TMEM74: variants seen among roughly 807,000 people sequenced by gnomAD.
The protein encoded by TMEM74 is transmembrane protein 74.
A neutral mutation model predicts 18.1 loss-of-function variants in TMEM74; 13 were observed. That is an observed-to-expected ratio of 0.72 (90% CI 0.47 to 1.14). The LOEUF (loss-of-function observed/expected upper bound fraction) is 1.14, where lower values mean the gene tolerates loss of function less well. Among genes scored for constraint, TMEM74 ranks in the 50% most tolerant of loss-of-function variants. The pLI is 0.00. For synonymous variants in TMEM74, 159 were observed against 146.6 expected, an observed-to-expected ratio of 1.08 and a Z score of -0.61; for missense variants, 372 against 375.9, an observed-to-expected ratio of 0.99 and a Z score of 0.09.
chr8:108,619,521 T>A (rs1812418897), intron 2 of TMEM74, among the ~76,000 whole-genome samples: 1 of 152,170 alleles, frequency 6.6e-6, no homozygotes, highest in African/African-American at 2.4e-5. Flanking sequence ...GCAAGCCAGG[T>A]GCTGGGAGAC....
intron 1 of TMEM74, among the ~76,000 whole-genome samples, chr8:108,707,430 A>G (rs1161241529): frequency 6.6e-6 from 1 of 152,122 alleles, no homozygotes; most frequent in Non-Finnish European, 1.5e-5. Flanking sequence ...AAAAAACCAA[A>G]CACGCCAAAA....
At chr8:108,760,033 T>A (rs926178047) in intron 1 of TMEM74, among the ~76,000 whole-genome samples, 2 of 151,738 alleles carry the variant, frequency 1.3e-5, no homozygotes, top group African/African-American at 2.4e-5. Flanking sequence ...ATTAGCCAGG[T>A]GTGGTGGCAC....
At chr8:108,759,908 T>C (rs1018675810) in intron 1 of TMEM74, among the ~76,000 whole-genome samples, 2 of 152,080 alleles carry the variant, frequency 1.3e-5, no homozygotes, top group African/African-American at 4.8e-5. Context: ...ATATGCATGA[T>C]GTAAAGCATG....
chr8:108,718,134 AT>A (rs1813547389), intron 1 of TMEM74, among the ~76,000 whole-genome samples: 1 of 107,280 alleles, frequency 9.3e-6, no homozygotes, highest in Non-Finnish European at 1.7e-5. Flanking sequence ...AATTTTTTGT[AT>A]TTTTAGTAGA....
intron 1 of TMEM74, among the ~76,000 whole-genome samples, chr8:108,717,753 G>T (rs1813540606): frequency 6.6e-6 from 1 of 152,068 alleles, no homozygotes; most frequent in Admixed American, 6.6e-5. Flanking sequence ...CCCTGAGTGG[G>T]AAATATGCCT....
At chr8:108,675,637 T>C (rs1248534374) in intron 1 of TMEM74, among the ~76,000 whole-genome samples, 1 of 152,200 alleles carries the variant, frequency 6.6e-6, no homozygotes, top group African/African-American at 2.4e-5. Context: ...GGGAATTAAA[T>C]AGAAAAATAA....
At chr8:108,670,712 A>T (rs190638472) in intron 1 of TMEM74, among the ~76,000 whole-genome samples, 1 of 152,284 alleles carries the variant, frequency 6.6e-6, no homozygotes, top group East Asian at 1.9e-4. Flanking sequence ...AGATGGATGA[A>T]TTTGGCGGTT....
chr8:108,782,106 A>C lies in TMEM74; in HGVS notation c.*2075T>G, dbSNP rs1246671222. Reference sequence around the variant, plus strand: ...TTTTTTTTAATGCCTTCTTTTTTTAACACACAGCTCAGACCTACTCACTCA... The same window carrying C: ...TTTTTTTTAATGCCTTCTTTTTTTACCACACAGCTCAGACCTACTCACTCA... On this transcript the variant is annotated 3_prime_UTR_variant, in exon 2 of 2. Coordinates refer to ENST00000297459, the MANE Select transcript of TMEM74 (RefSeq NM_153015.3). Among the ~76,000 whole-genome samples the C allele has an allele frequency of 6.6e-6, 1 of 152,064 alleles. No homozygotes were observed. The highest frequency in any genetic ancestry group is 1.5e-5 in the Non-Finnish European group (1 of 68,026).
chr8:108,680,218 G>C (rs1586258352), intron 1 of TMEM74, among the ~76,000 whole-genome samples: 1 of 152,118 alleles, frequency 6.6e-6, no homozygotes, highest in East Asian at 1.9e-4. Context: ...AACCAAAAAA[G>C]AGAATTTTAG....
rs12056801 is a variant in TMEM74 at position 108,781,014 on chromosome 8, G to A, written c.*3167C>T. On this transcript the variant is annotated 3_prime_UTR_variant, in exon 2 of 2. Coordinates refer to ENST00000297459, the MANE Select transcript of TMEM74 (RefSeq NM_153015.3). ...GAGCCTTAAATCATCCACCAGCAGC[G>A]TGTAGATCCCAGTAATAAAGGAGAA... 0.046 allele frequency among the ~76,000 whole-genome samples: 7,057 copies of A among 152,128 alleles called. 214 individuals are homozygous for A. The highest frequency in any genetic ancestry group is 0.13 in the East Asian group (667 of 5,148).
chr8:108,747,425 G>A (rs1813859764), intron 1 of TMEM74, among the ~76,000 whole-genome samples: 1 of 152,126 alleles, frequency 6.6e-6, no homozygotes, highest in Non-Finnish European at 1.5e-5. Flanking sequence ...TGAAATGTGG[G>A]AGTTAAAATG....
At chr8:108,760,499 A>G (rs1358283234) in intron 1 of TMEM74, among the ~76,000 whole-genome samples, 8 of 152,040 alleles carry the variant, frequency 5.3e-5, no homozygotes, top group Admixed American at 5.2e-4. Flanking sequence ...GAATGCATCT[A>G]TTGGCAGGAG....
intron 1 of TMEM74, among the ~76,000 whole-genome samples, chr8:108,704,077 TAG>T (rs750698399): frequency 2.0e-5 from 3 of 152,186 alleles, no homozygotes; most frequent in Non-Finnish European, 4.4e-5. Context: ...GAAAAGACTT[TAG>T]TTAAGTCTCA....
In TMEM74 at chr8:108,782,294, AG is replaced by A. The variant is rs1025691726; in HGVS notation, c.*1886del. Among the ~76,000 whole-genome samples the A allele has an allele frequency of 6.6e-6, 1 of 152,186 alleles. No individual in the cohort carries two copies. Among genetic ancestry groups the A allele is most frequent in the African/African-American group, 2.4e-5 (1 of 41,452 alleles). The stretch of plus-strand genomic sequence containing the variant: ...ACAGTAAAACAAAGTTTGTTCAAAA[AG>A]CACAAAAATACAGCAACAGAAAGCA... On this transcript the variant is annotated 3_prime_UTR_variant, in exon 2 of 2. Transcript: ENST00000297459.
chr8:108,697,999 G>A (rs185574836), intron 1 of TMEM74, among the ~76,000 whole-genome samples: 4 of 152,076 alleles, frequency 2.6e-5, no homozygotes, highest in African/African-American at 9.7e-5. Context: ...TGAGTGCCTG[G>A]ACTCTGTGTC....
intron 1 of TMEM74, among the ~76,000 whole-genome samples, chr8:108,749,304 T>A (rs551878760): frequency 2.0e-5 from 3 of 152,218 alleles, no homozygotes; most frequent in Non-Finnish European, 4.4e-5. Flanking sequence ...TTTTTCCATT[T>A]GTTTGTGTCA....
chr8:108,737,397 A>G (rs1813759016), intron 1 of TMEM74, among the ~76,000 whole-genome samples: 1 of 152,214 alleles, frequency 6.6e-6, no homozygotes, highest in Non-Finnish European at 1.5e-5. Flanking sequence ...CAACTTGGTA[A>G]CATTTTCATG....
chr8:108,747,232 T>C lies in TMEM74; in HGVS notation n.119+40244A>G, dbSNP rs565585382. Among the ~76,000 whole-genome samples, 3 of 150,640 alleles carry C rather than the reference T, an allele frequency of 2.0e-5. No homozygotes were observed. The East Asian group carries it at 5.8e-4, about 29-fold the overall frequency. On this transcript the variant is annotated intron_variant and non_coding_transcript_variant, in intron 1 of 3. Transcript: ENST00000518838. ...GGACACCCAGCTGATGTCAGGGAAT[T>C]GGCCTGTGTGTGTGTGTGTGGAACC...
chr8:108,642,125 G>A (rs769510728), intron 2 of TMEM74, among the ~76,000 whole-genome samples: 4 of 151,936 alleles, frequency 2.6e-5, no homozygotes, highest in African/African-American at 4.8e-5. Context: ...CAGGCCAGGC[G>A]CCGTGGCTCA....
Sources: allele counts gnomAD v4.1 joint callset (sites outside exome capture counted in the v4.1 genomes callset), GRCh38; gene constraint gnomAD v4.1.1; transcripts MANE v1.5; gene names NCBI Gene and HGNC (gene_info 2026-07-23, HGNC 2026-07-21).